The following MXD4 variants were observed in gnomAD, a reference collection of about 807,000 sequenced individuals.
MXD4 encodes the protein MAX dimerization protein 4, also known as Mad4 homolog.
Under a neutral mutation model 24.5 loss-of-function variants are expected in MXD4, and 16 were observed. The observed-to-expected ratio is 0.65, with a 90% confidence interval of 0.44 to 0.99. The LOEUF (loss-of-function observed/expected upper bound fraction) is 0.99. Among genes scored for constraint, MXD4 ranks in the 50% least tolerant of loss-of-function variants. MXD4 has a pLI of 0.00. For missense variants in MXD4, 301 were observed against 301.5 expected, an observed-to-expected ratio of 1.00 and a Z score of 0.01; for synonymous variants, 164 against 134.2, an observed-to-expected ratio of 1.22 and a Z score of -1.54.
intron 3 of MXD4, chr4:2,252,774 C>T (rs1020942418): frequency 3.6e-5 from 15 of 416,464 alleles, no homozygotes; most frequent in Non-Finnish European, 4.8e-5. Context: ...AGCGCGTCAC[C>T]GCCAGGCATT....
In MXD4 at chr4:2,256,198, T is replaced by C. The variant is rs529360045; in HGVS notation, c.194+1784A>G. On this transcript the variant is annotated intron_variant, in intron 3 of 5. Transcript: ENST00000337190. ...CCCAAAACACACTAAGATCAGAGCC[T>C]GGAGTGGGGCCAGTGAGGTCAGCAG... is the stretch of plus-strand genomic sequence containing the variant. Among the ~76,000 whole-genome samples, 24 of 152,278 alleles carry C rather than the reference T, an allele frequency of 1.6e-4. No homozygotes were observed. The South Asian group carries it at 5.0e-3, about 32-fold the overall frequency.
Position 2,250,468 on chromosome 4 carries a change from C to T in MXD4, c.*76G>A, listed in dbSNP as rs555920639. On this transcript the variant is annotated 3_prime_UTR_variant, in exon 6 of 6. Transcript: ENST00000337190. ...AGCAGTGGGCCTGTGGAGAGGCTGG[C>T]GTCAACTGAAGGAGAACTGGAGGGC... The T allele has an allele frequency of 3.4e-5, 49 of 1,441,694 alleles. No homozygotes were observed. In the South Asian group the frequency reaches 5.7e-4, roughly 17 times the overall value. The allele number at this position is 1,441,694 out of a possible 1,614,324, so 89.3% of individuals were successfully genotyped here. A position where few individuals can be genotyped will look rare whatever the true frequency, so the allele number is the denominator to read the frequency against.
chr4:2,250,292 T>C lies in MXD4; in HGVS notation c.*252A>G, dbSNP rs909231000. 3.5e-6 allele frequency: 2 copies of C among 571,554 alleles called. No individual in the cohort carries two copies. Among genetic ancestry groups the C allele is most frequent in the South Asian group, 2.3e-5 (1 of 44,314 alleles). The allele number at this position is 571,554 out of a possible 1,614,324, so 35.4% of individuals were successfully genotyped here. ...TCTGAGAACAGACCGTGGGCGGCTATGCTGACCAGGGCTCCGGATGTGGAA... is the reference window on the plus strand; with the variant it reads ...TCTGAGAACAGACCGTGGGCGGCTACGCTGACCAGGGCTCCGGATGTGGAA... On this transcript the variant is annotated 3_prime_UTR_variant, in exon 6 of 6. Transcript: ENST00000337190.
At chr4:2,261,366 C>T (rs1267397631) in intron 2 of MXD4, among the ~76,000 whole-genome samples, 2 of 152,222 alleles carry the variant, frequency 1.3e-5, no homozygotes, top group Non-Finnish European at 1.5e-5. Flanking sequence ...TTCCCCAGAC[C>T]CACGGGGCAC....
intron 2 of MXD4, among the ~76,000 whole-genome samples, chr4:2,261,514 G>T (rs902225552): frequency 1.3e-5 from 2 of 150,290 alleles, no homozygotes; most frequent in African/African-American, 4.9e-5. Flanking sequence ...CCCGGGAGGC[G>T]CGGCCGCGGG....
At position 2,261,799 on chromosome 4, in the gene MXD4, C is replaced by G. The variant is rs770744518; in HGVS notation, c.90G>C (p.Val30=). The G allele has an allele frequency of 7.0e-7, 1 of 1,422,642 alleles. No individual in the cohort carries two copies. Among genetic ancestry groups the G allele is most frequent in the Admixed American group, 2.5e-5 (1 of 40,542 alleles). 88.1% of individuals were successfully genotyped at this position (1,422,642 alleles called of 1,614,324 possible). A position where few individuals can be genotyped will look rare whatever the true frequency, so the allele number is the denominator to read the frequency against. The change falls in exon 2 of 6, where the codon GTG becomes GTC. Residue 30 remains valine (V), a synonymous_variant. Transcript: ENST00000337190. ...DREAEHGYAS[V]LPFDGDFARE... is the part of the protein sequence containing the mutation. ...TGGCGAAGTCGCCGTCGAAGGGCAG[C>G]ACCGAGGCGTAGCCGTGCTCGGCCT...
Position 2,248,056 on chromosome 4 carries a change from T to C in MXD4, c.*2488A>G, listed in dbSNP as rs571246537. The stretch of plus-strand genomic sequence containing the variant: ...GGCTCTGTTCTGCTTCTGTCTGCTC[T>C]CTATAGACACGGTGATGGCCTCTTG... On this transcript the variant is annotated 3_prime_UTR_variant, in exon 6 of 6. Transcript: ENST00000337190. The C allele has an allele frequency of 6.6e-6, 1 of 152,460 alleles. No individual in the cohort carries two copies. The highest frequency in any genetic ancestry group is 2.4e-5 in the African/African-American group (1 of 41,594). 9.4% of individuals were successfully genotyped at this position (152,460 alleles called of 1,614,324 possible).
rs1264516640 is a variant in MXD4 at position 2,247,835 on chromosome 4, A to T, written c.*2709T>A. The T allele has an allele frequency of 1.3e-5, 2 of 152,450 alleles. No homozygotes were observed. The highest frequency in any genetic ancestry group is 2.9e-5 in the Non-Finnish European group (2 of 68,218). 9.4% of individuals were successfully genotyped at this position (152,450 alleles called of 1,614,324 possible). A position where few individuals can be genotyped will look rare whatever the true frequency, so the allele number is the denominator to read the frequency against. On this transcript the variant is annotated 3_prime_UTR_variant, in exon 6 of 6. Coordinates refer to ENST00000337190, the MANE Select transcript of MXD4 (RefSeq NM_006454.3). ...ACCGTGCCACTAAGATGGGGTCTGC[A>T]GAGGCAAAGCCTTGCTGCAGCCTCT...
chr4:2,257,836 A>G (rs1735461536), intron 3 of MXD4, 146 bp downstream of exon 3: 2 of 1,071,494 alleles, frequency 1.9e-6, no homozygotes, highest in African/African-American at 3.1e-5. Context: ...CTTCTCCTCC[A>G]AGTCTGACCA....
At chr4:2,253,283 G>A (rs1035163309) in intron 3 of MXD4, 2 of 152,200 alleles carry the variant, frequency 1.3e-5, no homozygotes, top group Non-Finnish European at 2.9e-5. Flanking sequence ...GCTTGTCTGC[G>A]GGGGAGGCTG....
intron 3 of MXD4, chr4:2,254,874 T>A (rs1230077466): frequency 5.9e-6 from 1 of 168,086 alleles, no homozygotes; most frequent in Non-Finnish European, 1.3e-5. Context: ...GGTTTGCTGG[T>A]GGGAGAGCAA....
intron 2 of MXD4, among the ~76,000 whole-genome samples, 174 bp from the exon 3 acceptor site, chr4:2,258,185 G>T (rs994451560): frequency 2.0e-5 from 3 of 152,254 alleles, no homozygotes; most frequent in South Asian, 4.1e-4. Flanking sequence ...CACCCAGGGT[G>T]GGGGGAACCA....
intron 4 of MXD4, among the ~76,000 whole-genome samples, chr4:2,251,903 A>G (rs1302957577): frequency 6.6e-6 from 1 of 152,154 alleles, no homozygotes; most frequent in South Asian, 2.1e-4. Flanking sequence ...CAGGGCTGTC[A>G]AAAGTCCTTT....
At chr4:2,259,474 C>G (rs1735495881) in intron 2 of MXD4, among the ~76,000 whole-genome samples, 1 of 152,248 alleles carries the variant, frequency 6.6e-6, no homozygotes. Context: ...CCAGAATAGG[C>G]AGGCCGCAGG....
chr4:2,252,691 A>G (rs1290134766), intron 3 of MXD4, 169 bp from the exon 4 acceptor site: 1 of 496,446 alleles, frequency 2.0e-6, no homozygotes, highest in Non-Finnish European at 3.4e-6. Context: ...CCCCACCCCC[A>G]GGAGGAGCCC....
intron 3 of MXD4, among the ~76,000 whole-genome samples, chr4:2,257,537 C>G (rs771253046): frequency 1.2e-4 from 19 of 152,248 alleles, no homozygotes; most frequent in Non-Finnish European, 2.6e-4. Flanking sequence ...GAATCCTGCC[C>G]TAGGCTGGAG....
chr4:2,252,860 G>C (rs940365176), intron 3 of MXD4: 78 of 266,546 alleles, frequency 2.9e-4, no homozygotes, highest in Non-Finnish European at 3.4e-4. Flanking sequence ...GCAGGGAGGG[G>C]TGGGGTGAGG....
In MXD4 at chr4:2,255,108, A is replaced by G. The variant is rs1227814532; in HGVS notation, c.195-2586T>C. On this transcript the variant is annotated intron_variant, in intron 3 of 5. Transcript: ENST00000337190. Reference sequence around the variant, plus strand: ...CAAGTGTCCTGTGCAGTCATCAGGGATGAGAAGGTGGAGGAGTGTGCCCTG... The same window carrying G: ...CAAGTGTCCTGTGCAGTCATCAGGGGTGAGAAGGTGGAGGAGTGTGCCCTG... 4 of 365,082 alleles carry G rather than the reference A, an allele frequency of 1.1e-5. No individual in the cohort carries two copies. The East Asian group carries it at 2.9e-4, about 27-fold the overall frequency. 22.6% of individuals were successfully genotyped at this position (365,082 alleles called of 1,614,324 possible).
chr4:2,261,225 T>G (rs1735535702), intron 2 of MXD4, among the ~76,000 whole-genome samples: 1 of 152,150 alleles, frequency 6.6e-6, no homozygotes, highest in Non-Finnish European at 1.5e-5. Context: ...CTGTCTAGGC[T>G]CCTGGGGGCG....
Sources: allele counts gnomAD v4.1 joint callset (sites outside exome capture counted in the v4.1 genomes callset), GRCh38; gene constraint gnomAD v4.1.1; transcripts MANE v1.5; gene names NCBI Gene and HGNC (gene_info 2026-07-23, HGNC 2026-07-21).